Variants in CDC42SE2 observed in about 807,000 individuals in gnomAD.
CDC42SE2 encodes the protein CDC42 small effector 2, also known as CDC42 small effector protein 2.
CDC42SE2 carries 3 observed loss-of-function variants against 11.5 expected under a neutral mutation model. That is an observed-to-expected ratio of 0.26 (90% confidence interval 0.12 to 0.67). The LOEUF is 0.67. Ranked by LOEUF, CDC42SE2 falls within the 30% of genes least tolerant of loss-of-function variation. CDC42SE2 has a pLI of 0.80. For synonymous variants in CDC42SE2, 33 were observed against 34.8 expected (o/e 0.95, Z 0.18); for missense variants, 82 against 106.8 (o/e 0.77, Z 1.02).
At chr5:131,386,824 A>G (rs947828577) in intron 4 of CDC42SE2, among the ~76,000 whole-genome samples, 1 of 152,248 alleles carries the variant, frequency 6.6e-6, no homozygotes, top group African/African-American at 2.4e-5. Context: ...ACATAAAATT[A>G]TGATCCACTG....
intron 1 of CDC42SE2, among the ~76,000 whole-genome samples, chr5:131,253,866 G>C (rs965428121): frequency 2.0e-5 from 3 of 152,216 alleles, no homozygotes; most frequent in Non-Finnish European, 4.4e-5. Flanking sequence ...AAATACTTGC[G>C]TTAGGTTTTT....
At chr5:131,279,461 C>A (rs1195173799) in intron 1 of CDC42SE2, among the ~76,000 whole-genome samples, 1 of 144,614 alleles carries the variant, frequency 6.9e-6, no homozygotes, top group African/African-American at 2.6e-5. Context: ...TCCCCCCCCC[C>A]CTTTCAGAAT....
chr5:131,304,371 A>G (rs1364984881), intron 1 of CDC42SE2, among the ~76,000 whole-genome samples: 1 of 152,186 alleles, frequency 6.6e-6, no homozygotes, highest in Non-Finnish European at 1.5e-5. Flanking sequence ...AGATAGGGAT[A>G]GAGGTGGCAT....
At chr5:131,282,559 G>C (rs1043641675) in intron 1 of CDC42SE2, among the ~76,000 whole-genome samples, 3 of 151,690 alleles carry the variant, frequency 2.0e-5, no homozygotes, top group South Asian at 2.1e-4. Context: ...TTCTTCTTTG[G>C]GGGGAGAGGA....
intron 3 of CDC42SE2, 92 bp downstream of exon 3, chr5:131,359,639 G>A: frequency 1.1e-6 from 1 of 896,426 alleles, no homozygotes; most frequent in Non-Finnish European, 1.9e-6. Context: ...AGCAGTAATT[G>A]CAAAGCAGTT....
chr5:131,229,834 T>C, the CDC42SE2 span, among the ~76,000 whole-genome samples: 1 of 152,094 alleles, frequency 6.6e-6, no homozygotes, highest in Non-Finnish European at 1.5e-5. Context: ...CTCAGGGAGC[T>C]GAGGTGGGAA....
chr5:131,316,142 G>A lies in CDC42SE2; in HGVS notation c.-288G>A, dbSNP rs1240196779. On this transcript the variant is annotated splice_region_variant and 5_prime_UTR_variant, in exon 2 of 5. In the 5' UTR this introduces an upstream ATG that the reference lacks. Coordinates refer to ENST00000505065, the MANE Select transcript of CDC42SE2 (RefSeq NM_001375635.1). ...GAATGTGTTACTCCATTGCTGAGGAGTGGTAAGTCTGATAATCTCCACTGA... is the reference window on the plus strand; with the variant it reads ...GAATGTGTTACTCCATTGCTGAGGAATGGTAAGTCTGATAATCTCCACTGA... The A allele has an allele frequency of 6.6e-6, 1 of 152,360 alleles. No individual in the cohort carries two copies. The highest frequency in any genetic ancestry group is 1.5e-5 in the Non-Finnish European group (1 of 68,042). 9.4% of individuals were successfully genotyped at this position (152,360 alleles called of 1,614,324 possible).
chr5:131,348,215 G>A (rs1758902153), intron 2 of CDC42SE2, among the ~76,000 whole-genome samples: 1 of 152,170 alleles, frequency 6.6e-6, no homozygotes, highest in Non-Finnish European at 1.5e-5. Flanking sequence ...GTCCCTGTTT[G>A]CAGATGACAT....
the CDC42SE2 span, among the ~76,000 whole-genome samples, chr5:131,238,203 C>T: frequency 6.6e-6 from 1 of 151,870 alleles, no homozygotes; most frequent in Non-Finnish European, 1.5e-5. Context: ...GGGCTTAAAA[C>T]CTAGATGACG....
intron 3 of CDC42SE2, among the ~76,000 whole-genome samples, chr5:131,361,435 G>A (rs1359240888): frequency 6.6e-6 from 1 of 152,176 alleles, no homozygotes; most frequent in Non-Finnish European, 1.5e-5. Flanking sequence ...CTTCTTCAGT[G>A]CCCTGCTGCT....
chr5:131,242,833 C>A (rs999208648), upstream of CDC42SE2, among the ~76,000 whole-genome samples: 2 of 152,164 alleles, frequency 1.3e-5, no homozygotes, highest in African/African-American at 4.8e-5. Flanking sequence ...GGTGCCTGAA[C>A]TATACACTGA....
intron 2 of CDC42SE2, among the ~76,000 whole-genome samples, chr5:131,347,351 T>C (rs1758873688): frequency 6.6e-6 from 1 of 152,044 alleles, no homozygotes; most frequent in Non-Finnish European, 1.5e-5. Flanking sequence ...CAGACTACCA[T>C]CAGAAAATAC....
chr5:131,321,244 A>C (rs536498251), intron 2 of CDC42SE2, among the ~76,000 whole-genome samples: 1 of 152,336 alleles, frequency 6.6e-6, no homozygotes, highest in East Asian at 1.9e-4. Flanking sequence ...ATACAGGGTT[A>C]GTTTTTGCAG....
the CDC42SE2 span, among the ~76,000 whole-genome samples, chr5:131,214,681 G>A: frequency 2.6e-5 from 4 of 152,122 alleles, no homozygotes; most frequent in East Asian, 5.8e-4. Context: ...GCTGCAGTGG[G>A]GGCCTGGAGC....
In CDC42SE2 at chr5:131,374,015, G is replaced by T. The variant is rs992923476; in HGVS notation, c.55-11528G>T. 1.2e-4 allele frequency among the ~76,000 whole-genome samples: 19 copies of T among 152,008 alleles called. 1 individual carries two copies. On this transcript the variant is annotated intron_variant, in intron 3 of 4. Coordinates refer to ENST00000505065, the MANE Select transcript of CDC42SE2 (RefSeq NM_001375635.1). ...AATCTGCCTAAAGTTACAAAAAAGA[G>T]GACAAAAGGCATTGGAGGATAATAA...
the CDC42SE2 span, among the ~76,000 whole-genome samples, chr5:131,211,757 G>T: frequency 5.8e-4 from 88 of 152,222 alleles, no homozygotes; most frequent in Non-Finnish European, 4.4e-5. Flanking sequence ...CGAGGCAGGA[G>T]GATTGCTTGA....
At chr5:131,365,763 A>G (rs549901537) in intron 3 of CDC42SE2, among the ~76,000 whole-genome samples, 1 of 152,290 alleles carries the variant, frequency 6.6e-6, no homozygotes, top group East Asian at 1.9e-4. Context: ...CGGGCGGATC[A>G]CGAGGTCAGA....
At chr5:131,327,147 C>CA (rs1758316526) in intron 2 of CDC42SE2, among the ~76,000 whole-genome samples, 1 of 152,090 alleles carries the variant, frequency 6.6e-6, no homozygotes, top group African/African-American at 2.4e-5. Context: ...TCCTGCTTTT[C>CA]ATTGGGTAAG....
intron 2 of CDC42SE2, among the ~76,000 whole-genome samples, chr5:131,258,424 G>T (rs1426993637): frequency 6.6e-6 from 1 of 152,028 alleles, no homozygotes; most frequent in African/African-American, 2.4e-5. Context: ...GGAGTTCTTG[G>T]TTACTTAGTC....
Sources: gnomAD v4.1 joint callset for allele counts (sites outside exome capture counted in the v4.1 genomes callset) on GRCh38, gnomAD v4.1.1 for gene constraint, MANE v1.5 for transcripts, NCBI Gene and HGNC (gene_info 2026-07-23, HGNC 2026-07-21) for gene names.